Variants in RHOT1 observed in about 807,000 individuals in gnomAD.
RHOT1 encodes the protein ras homolog family member T1, also known as mitochondrial Rho GTPase 1.
Under a neutral mutation model 95.3 loss-of-function variants are expected in RHOT1, and 27 were observed. The ratio of observed to expected loss-of-function variants is 0.28; its 90% CI spans 0.21 to 0.39. RHOT1 has a LOEUF of 0.39. Among genes scored for constraint, RHOT1 ranks in the 10% least tolerant of loss-of-function variants. The pLI, the probability that RHOT1 is intolerant of heterozygous loss-of-function variation, is 1.00. For missense variants in RHOT1, 578 were observed against 786.7 expected (o/e 0.73, Z 3.17); for synonymous variants, 227 against 263.5 (o/e 0.86, Z 1.34).
chr17:32,167,196 C>CTT (rs576229727), intron 1 of RHOT1, among the ~76,000 whole-genome samples: 1 of 145,558 alleles, frequency 6.9e-6, no homozygotes. Context: ...TGAAAGGAAT[C>CTT]TTTTTTTTTT....
chr17:32,148,092 C>T (rs1383052853), intron 1 of RHOT1, among the ~76,000 whole-genome samples: 4 of 152,088 alleles, frequency 2.6e-5, no homozygotes, highest in African/African-American at 7.2e-5. Flanking sequence ...GGTGAAACCT[C>T]GTCTCTACTA....
At chr17:32,152,642 C>T (rs933098744) in intron 1 of RHOT1, among the ~76,000 whole-genome samples, 23 of 151,504 alleles carry the variant, frequency 1.5e-4, no homozygotes, top group Non-Finnish European at 1.5e-5. Context: ...TTTTAAGGGC[C>T]ATGGTGAGGG....
chr17:32,151,547 A>C lies in RHOT1; in HGVS notation c.37+8818A>C. ...TCATGAATCCCCTTAGACCATTTTCAGTCCTGCGCGGTGTGTCTCTCTCTC... is the reference window on the plus strand; with the variant it reads ...TCATGAATCCCCTTAGACCATTTTCCGTCCTGCGCGGTGTGTCTCTCTCTC... On this transcript the variant is annotated intron_variant, in intron 1 of 19. Coordinates refer to ENST00000545287, the MANE Select transcript of RHOT1 (RefSeq NM_001033566.3). The C allele has an allele frequency of 2.8e-5, 13 of 467,894 alleles. No individual in the cohort carries two copies. The South Asian group carries it at 3.0e-4, about 11-fold the overall frequency. 29.0% of individuals were successfully genotyped at this position (467,894 alleles called of 1,614,324 possible).
chr17:32,173,802 T>C, intron 2 of RHOT1, 29 bp from the exon 3 acceptor site: 1 of 1,474,142 alleles, frequency 6.8e-7, no homozygotes, highest in Non-Finnish European at 9.3e-7. Context: ...AAGGTGTTTT[T>C]TTTTTTCTAT....
rs2036694589 is a variant in RHOT1, at chr17:32,194,104, C to A, written c.866C>A (p.Pro289His). The A allele has an allele frequency of 3.7e-6, 6 of 1,613,172 alleles. No homozygotes were observed. Among genetic ancestry groups the A allele is most frequent in the Non-Finnish European group, 5.1e-6 (6 of 1,179,708 alleles). Residue 289 changes from proline (P) to histidine (H), a missense_variant, in exon 11 of 20, where the codon CCC becomes CAC. Transcript: ENST00000545287. ...GATTTGACACCTGAATATTTGTTCC[C>A]CCTGTATGTACCTTTGTTTTTTTTG... ...DLDLTPEYLF[P>H]LLKIPPDCTT... is the part of the protein sequence containing the mutation.
chr17:32,143,704 G>A (rs1325485786), intron 1 of RHOT1, among the ~76,000 whole-genome samples: 2 of 152,222 alleles, frequency 1.3e-5, no homozygotes, highest in Admixed American at 1.3e-4. Flanking sequence ...ATGTAACTCA[G>A]TTGCTAGGAC....
intron 1 of RHOT1, among the ~76,000 whole-genome samples, chr17:32,149,262 A>G (rs1310758103): frequency 2.0e-5 from 3 of 151,542 alleles, no homozygotes; most frequent in Non-Finnish European, 4.4e-5. Context: ...TATAAGTTTT[A>G]TTATAAAATA....
In RHOT1 at chr17:32,198,992, A is replaced by G. The variant is rs959133490; in HGVS notation, c.915A>G (p.Ala305=). 6.2e-7 allele frequency: 1 copy of G among 1,612,338 alleles called. No homozygotes were observed. Among genetic ancestry groups the G allele is most frequent in the Non-Finnish European group, 8.5e-7 (1 of 1,178,794 alleles). The change falls in exon 12 of 20, where the codon GCA becomes GCG. Residue 305 remains alanine, a synonymous_variant. Transcript: ENST00000545287. ...PDCTTELNHH[A]YLFLQSTFDK... is the part of the protein sequence containing the mutation. ...GCACTACTGAATTAAATCATCATGC[A>G]TATTTATTTCTCCAAAGCACCTTTG...
At chr17:32,196,641 C>G (rs1305531514) in intron 11 of RHOT1, among the ~76,000 whole-genome samples, 1 of 152,184 alleles carries the variant, frequency 6.6e-6, no homozygotes, top group Admixed American at 6.5e-5. Flanking sequence ...TTTGTCCATG[C>G]TATTTTCACC....
intron 1 of RHOT1, among the ~76,000 whole-genome samples, chr17:32,162,612 T>G (rs1479786532): frequency 2.0e-5 from 3 of 152,184 alleles, no homozygotes; most frequent in Non-Finnish European, 4.4e-5. Flanking sequence ...ACCACTGTGC[T>G]TGGGCCAGGT....
chr17:32,174,854 C>T (rs1024607245), intron 3 of RHOT1, among the ~76,000 whole-genome samples: 4 of 152,210 alleles, frequency 2.6e-5, no homozygotes, highest in Admixed American at 2.6e-4. Flanking sequence ...AGGGAATTCT[C>T]ATCACTTCAT....
chr17:32,211,084 C>T lies in RHOT1; in HGVS notation c.1740-32C>T, dbSNP rs762166650. 1.9e-6 allele frequency: 3 copies of T among 1,568,418 alleles called. No homozygotes were observed. In the South Asian group the frequency reaches 3.5e-5, roughly 18 times the overall value. ...CTTGTGCCATATTTGTAAGTAAGAACTCAACTCCTGTCCTTCTGTGTGTTT... is the reference window on the plus strand; with the variant it reads ...CTTGTGCCATATTTGTAAGTAAGAATTCAACTCCTGTCCTTCTGTGTGTTT... On this transcript the variant is annotated intron_variant, in intron 18 of 19. Coordinates refer to ENST00000545287, the MANE Select transcript of RHOT1 (RefSeq NM_001033566.3).
chr17:32,164,369 G>A (rs1398960780), intron 1 of RHOT1, among the ~76,000 whole-genome samples: 1 of 151,638 alleles, frequency 6.6e-6, no homozygotes, highest in East Asian at 2.0e-4. Context: ...AAGCAGCTGG[G>A]ACTACAGGCG....
At chr17:32,171,703 C>T (rs1303459883) in intron 2 of RHOT1, among the ~76,000 whole-genome samples, 1 of 152,206 alleles carries the variant, frequency 6.6e-6, no homozygotes, top group Non-Finnish European at 1.5e-5. Context: ...CCCTACTTGC[C>T]TTCTGCCTGA....
At chr17:32,155,409 C>T (rs966367481) in intron 1 of RHOT1, among the ~76,000 whole-genome samples, 6 of 152,072 alleles carry the variant, frequency 3.9e-5, no homozygotes, top group Non-Finnish European at 7.4e-5. Flanking sequence ...ATCTGCCAGC[C>T]TTGGCCTCCC....
chr17:32,220,011 C>T (rs2038727946), intron 19 of RHOT1, among the ~76,000 whole-genome samples: 1 of 152,104 alleles, frequency 6.6e-6, no homozygotes, highest in Non-Finnish European at 1.5e-5. Context: ...GAAAGTCTAT[C>T]TTAATGAAAA....
chr17:32,222,770 G>T lies in RHOT1; in HGVS notation c.1863-1846G>T, dbSNP rs1278134275. 5.3e-6 allele frequency: 4 copies of T among 759,224 alleles called. No individual in the cohort carries two copies. The African/African-American group carries it at 5.7e-5, about 11-fold the overall frequency. The allele number at this position is 759,224 out of a possible 1,614,324, so 47.0% of individuals were successfully genotyped here. A position where few individuals can be genotyped will look rare whatever the true frequency, so the allele number is the denominator to read the frequency against. On this transcript the variant is annotated intron_variant, in intron 19 of 19. Transcript: ENST00000545287. ...CATGTGTATAAAAGGTTAAGAGCCC[G>T]GATAGCTGAGTGGGGTGCCATGCTG...
chr17:32,209,398 T>C, intron 18 of RHOT1: 1 of 1,612,284 alleles, frequency 6.2e-7, no homozygotes, highest in Non-Finnish European at 8.5e-7. Flanking sequence ...GCCACACTGA[T>C]AGAATAGAGA....
chr17:32,218,029 A>G (rs2142949593), intron 19 of RHOT1, among the ~76,000 whole-genome samples: 1 of 151,404 alleles, frequency 6.6e-6, no homozygotes, highest in South Asian at 2.1e-4. Context: ...CACCTGGCTA[A>G]TTTTTTGTAT....
Sources: gnomAD v4.1 joint callset for allele counts (sites outside exome capture counted in the v4.1 genomes callset) on GRCh38, gnomAD v4.1.1 for gene constraint, MANE v1.5 for transcripts, NCBI Gene and HGNC (gene_info 2026-07-23, HGNC 2026-07-21) for gene names.